The following NCKAP5 variants were observed in gnomAD, a reference collection of about 807,000 sequenced individuals.
NCKAP5 encodes the protein nck-associated protein 5.
NCKAP5 carries 92 observed loss-of-function variants against 167.0 expected under a neutral mutation model. The ratio of observed to expected loss-of-function variants is 0.55; its 90% CI spans 0.47 to 0.66. The LOEUF (loss-of-function observed/expected upper bound fraction) is 0.66, where lower values mean the gene tolerates loss of function less well. Ranked by LOEUF, NCKAP5 falls within the 30% of genes least tolerant of loss-of-function variation. NCKAP5 has a pLI of 0.00. For synonymous variants in NCKAP5, 891 were observed against 877.4 expected, an observed-to-expected ratio of 1.02 and a Z score of -0.27; for missense variants, 2,378 against 2,315.0, an observed-to-expected ratio of 1.03 and a Z score of -0.56.
At chr2:133,088,975 A>T (rs968296662) in intron 6 of NCKAP5, among the ~76,000 whole-genome samples, 1 of 152,230 alleles carries the variant, frequency 6.6e-6, no homozygotes, top group Non-Finnish European at 1.5e-5. Flanking sequence ...ACTTATCTGT[A>T]TATAGGAAAT....
intron 8 of NCKAP5, among the ~76,000 whole-genome samples, chr2:132,923,745 T>G (rs917135878): frequency 2.6e-5 from 4 of 152,230 alleles, no homozygotes; most frequent in Non-Finnish European, 4.4e-5. Flanking sequence ...TAGAAAAATC[T>G]AATAATTGTT....
Position 132,783,244 on chromosome 2 carries a change from C to A in NCKAP5, c.3567G>T (p.Lys1189Asn). The change falls in exon 14 of 20, where the codon AAG becomes AAT. Residue 1189 changes from lysine to asparagine, a missense_variant. Coordinates refer to ENST00000409261, the MANE Select transcript of NCKAP5 (RefSeq NM_207363.3). Reference sequence around the variant, plus strand: ...TTGCTGGATTCTTGGAGTCCTCTGGCTTAGACTTGTTCACAGCCACGGAAC... The same window carrying A: ...TTGCTGGATTCTTGGAGTCCTCTGGATTAGACTTGTTCACAGCCACGGAAC... ...SKSSVAVNKS[K>N]PEDSKNPASM... 2 of 1,613,966 alleles carry A rather than the reference C, an allele frequency of 1.2e-6. 1 individual carries two copies. Among genetic ancestry groups the A allele is most frequent in the South Asian group, 2.2e-5 (2 of 91,080 alleles).
At chr2:133,552,602 G>A (rs1048468378) in intron 2 of NCKAP5, among the ~76,000 whole-genome samples, 2 of 124,166 alleles carry the variant, frequency 1.6e-5, no homozygotes, top group Admixed American at 1.7e-4. Context: ...TGGTGGGGTG[G>A]GGGGAGGGGG....
At chr2:132,910,078 T>C (rs879834803) in intron 8 of NCKAP5, among the ~76,000 whole-genome samples, 1 of 152,206 alleles carries the variant, frequency 6.6e-6, no homozygotes, top group Non-Finnish European at 1.5e-5. Flanking sequence ...GGTTTTCTGA[T>C]ACCAGCAACC....
At position 132,766,025 on chromosome 2, in the gene NCKAP5, T is replaced by C. The variant is rs1279457558; in HGVS notation, c.5128+7791A>G. 3.3e-5 allele frequency among the ~76,000 whole-genome samples: 5 copies of C among 152,186 alleles called. No homozygotes were observed. The East Asian group carries it at 9.7e-4, about 30-fold the overall frequency. Reference sequence around the variant, plus strand: ...GGCTGGGCACGGTGGCTTACGCCTGTAATCCCGGCACTTTGGGAGGCCAAA... The same window carrying C: ...GGCTGGGCACGGTGGCTTACGCCTGCAATCCCGGCACTTTGGGAGGCCAAA... On this transcript the variant is annotated intron_variant, in intron 16 of 19. Coordinates refer to ENST00000409261, the MANE Select transcript of NCKAP5 (RefSeq NM_207363.3).
At chr2:132,884,201 G>A (rs1292261874) in intron 8 of NCKAP5, among the ~76,000 whole-genome samples, 2 of 152,184 alleles carry the variant, frequency 1.3e-5, no homozygotes, top group South Asian at 2.1e-4. Flanking sequence ...TCTCATAATG[G>A]ACAGACATCT....
chr2:132,784,090 T>C lies in NCKAP5; in HGVS notation c.2721A>G (p.Gly907=), dbSNP rs534117095. The part of the protein sequence containing the change: ...SRPAIESSDS[G]EPPTRDEHCG... ...AGTGTTCATCCCTCGTGGGGGGCTCTCCACTGTCACTAGACTCAATGGCAG... is the reference window on the plus strand; with the variant it reads ...AGTGTTCATCCCTCGTGGGGGGCTCCCCACTGTCACTAGACTCAATGGCAG... Residue 907 remains glycine, a synonymous_variant, in exon 14 of 20, where the codon GGA becomes GGG. Coordinates refer to ENST00000409261, the MANE Select transcript of NCKAP5 (RefSeq NM_207363.3). 1.1e-5 allele frequency: 17 copies of C among 1,520,838 alleles called. No homozygotes were observed. The highest frequency in any genetic ancestry group is 2.2e-5 in the Admixed American group (1 of 44,460). The allele number at this position is 1,520,838 out of a possible 1,614,324, so 94.2% of individuals were successfully genotyped here. A position where few individuals can be genotyped will look rare whatever the true frequency, so the allele number is the denominator to read the frequency against.
At chr2:133,392,323 C>T (rs1559446780) in intron 3 of NCKAP5, among the ~76,000 whole-genome samples, 2 of 152,138 alleles carry the variant, frequency 1.3e-5, no homozygotes, top group African/African-American at 4.8e-5. Context: ...GAGAAATAGG[C>T]TACACCATAT....
intron 16 of NCKAP5, among the ~76,000 whole-genome samples, chr2:132,757,223 T>C (rs1043001106): frequency 6.6e-6 from 1 of 152,172 alleles, no homozygotes; most frequent in African/African-American, 2.4e-5. Flanking sequence ...GTACCAGCGA[T>C]AAGATGATTG....
intron 10 of NCKAP5, among the ~76,000 whole-genome samples, chr2:132,862,811 TTTTA>T (rs1690029967): frequency 6.6e-6 from 1 of 151,942 alleles, no homozygotes; most frequent in African/African-American, 2.4e-5. Flanking sequence ...CTTTCTTTAT[TTTTA>T]TTTATTTTAT....
intron 19 of NCKAP5, among the ~76,000 whole-genome samples, chr2:132,720,829 T>G (rs1299934094): frequency 6.6e-6 from 1 of 151,760 alleles, no homozygotes; most frequent in Non-Finnish European, 1.5e-5. Flanking sequence ...GCCAACATAA[T>G]GAAACTCCAT....
chr2:132,855,876 G>A (rs1202735326), intron 11 of NCKAP5, among the ~76,000 whole-genome samples: 1 of 152,198 alleles, frequency 6.6e-6, no homozygotes, highest in Admixed American at 6.5e-5. Context: ...ATTTAAAAGT[G>A]TATAATGGTT....
intron 6 of NCKAP5, among the ~76,000 whole-genome samples, chr2:133,014,069 C>T (rs534885257): frequency 1.2e-4 from 18 of 152,334 alleles, no homozygotes; most frequent in Non-Finnish European, 1.3e-4. Flanking sequence ...CCATCATCCT[C>T]ACCCAATAGC....
chr2:132,975,629 T>G (rs762030648), intron 7 of NCKAP5, among the ~76,000 whole-genome samples: 1 of 152,216 alleles, frequency 6.6e-6, no homozygotes, highest in Admixed American at 6.5e-5. Flanking sequence ...GCTGGACATC[T>G]AAGAAAACTA....
chr2:133,510,023 C>T (rs149018887), intron 3 of NCKAP5, among the ~76,000 whole-genome samples: 6 of 152,166 alleles, frequency 3.9e-5, no homozygotes, highest in African/African-American at 1.4e-4. Context: ...TGAGTAACAA[C>T]CACAATGAAG....
At chr2:133,016,758 A>T (rs1260470338) in intron 6 of NCKAP5, among the ~76,000 whole-genome samples, 2 of 152,230 alleles carry the variant, frequency 1.3e-5, no homozygotes, top group African/African-American at 4.8e-5. Flanking sequence ...CCAATAGAAC[A>T]GAGCTAATGG....
chr2:132,909,727 C>G (rs572080644), intron 8 of NCKAP5, among the ~76,000 whole-genome samples: 4 of 152,308 alleles, frequency 2.6e-5, no homozygotes, highest in South Asian at 2.1e-4. Flanking sequence ...TTTACAGAAA[C>G]TACAGATGGA....
intron 2 of NCKAP5, among the ~76,000 whole-genome samples, chr2:133,558,406 G>C (rs1007666677): frequency 6.6e-6 from 1 of 152,046 alleles, no homozygotes; most frequent in Non-Finnish European, 1.5e-5. Flanking sequence ...AAATGGTGTA[G>C]AGGGAAGAAC....
intron 3 of NCKAP5, among the ~76,000 whole-genome samples, chr2:133,366,761 CAG>C (rs1685482636): frequency 6.6e-6 from 1 of 152,040 alleles, no homozygotes; most frequent in Non-Finnish European, 1.5e-5. Context: ...GACTCAAAAT[CAG>C]AACTTAAAGA....
Sources: gnomAD v4.1 joint callset for allele counts (sites outside exome capture counted in the v4.1 genomes callset) on GRCh38, gnomAD v4.1.1 for gene constraint, MANE v1.5 for transcripts, NCBI Gene and HGNC (gene_info 2026-07-23, HGNC 2026-07-21) for gene names.